The following GPR39 variants were observed in gnomAD, a reference collection of about 807,000 sequenced individuals.
The protein encoded by GPR39 is zinc sensing receptor.
GPR39 carries 23 observed loss-of-function variants against 18.4 expected under a neutral mutation model. The observed-to-expected ratio is 1.25, with a 90% CI of 0.90 to 1.77. The LOEUF (loss-of-function observed/expected upper bound fraction) is 1.77, where lower values mean the gene tolerates loss of function less well. Ranked by LOEUF, GPR39 falls within the 40% of genes most tolerant of loss-of-function variation. The probability of loss-of-function intolerance (pLI) is 0.00; values close to 1 mark genes in which losing one functional copy is unlikely to be tolerated. For missense variants in GPR39, 647 were observed against 602.4 expected (o/e 1.07, Z -0.78); for synonymous variants, 280 against 257.9 (o/e 1.09, Z -0.82).
chr2:132,603,782 A>G lies in GPR39; in HGVS notation c.857-41319A>G, dbSNP rs1275590128. 3.2e-4 allele frequency among the ~76,000 whole-genome samples: 49 copies of G among 152,188 alleles called. 1 individual carries two copies. Among genetic ancestry groups the G allele is most frequent in the Admixed American group, 3.2e-3 (49 of 15,280 alleles). ...TTCACCAAAAGCTGAAAATGTCAAC[A>G]TTCTTTTTAAGAAACCATTTTCATG... On this transcript the variant is annotated intron_variant, in intron 1 of 1. Transcript: ENST00000329321.
At chr2:132,589,418 C>G (rs941794742) in intron 1 of GPR39, among the ~76,000 whole-genome samples, 8 of 152,208 alleles carry the variant, frequency 5.3e-5, no homozygotes, top group Admixed American at 2.0e-4. Flanking sequence ...TGCATAACTT[C>G]TAGGCAGAGA....
intron 1 of GPR39, among the ~76,000 whole-genome samples, chr2:132,622,063 G>A (rs79664918): frequency 0.014 from 2,187 of 152,258 alleles, 54 homozygotes; most frequent in African/African-American, 0.05. Context: ...CCTGGGCTGG[G>A]GAGAGACCTT....
chr2:132,638,009 T>A (rs1558867139), intron 1 of GPR39, among the ~76,000 whole-genome samples: 1 of 149,800 alleles, frequency 6.7e-6, no homozygotes, highest in African/African-American at 2.5e-5. Context: ...GAGGGAAAAA[T>A]AGAAGAGAAA....
intron 1 of GPR39, among the ~76,000 whole-genome samples, chr2:132,535,177 T>A (rs1679730637): frequency 6.6e-6 from 1 of 152,078 alleles, no homozygotes; most frequent in Non-Finnish European, 1.5e-5. Context: ...CTTTTGCCCA[T>A]ATAGTATGAT....
chr2:132,555,657 C>T (rs890662365), intron 1 of GPR39, among the ~76,000 whole-genome samples: 1 of 152,122 alleles, frequency 6.6e-6, no homozygotes, highest in Non-Finnish European at 1.5e-5. Flanking sequence ...TCTGAGTCCT[C>T]TATTGGTCAT....
intron 1 of GPR39, among the ~76,000 whole-genome samples, chr2:132,504,893 G>C (rs1046929796): frequency 6.6e-6 from 1 of 152,068 alleles, no homozygotes; most frequent in African/African-American, 2.4e-5. Flanking sequence ...TTGTGTACAC[G>C]ACCTATTCTA....
chr2:132,634,758 G>A (rs991988791), intron 1 of GPR39, among the ~76,000 whole-genome samples: 2 of 152,144 alleles, frequency 1.3e-5, no homozygotes, highest in African/African-American at 2.4e-5. Flanking sequence ...GAGGGGAAGG[G>A]CCCCCCTCAG....
intron 1 of GPR39, among the ~76,000 whole-genome samples, chr2:132,527,978 G>A (rs970305439): frequency 6.6e-6 from 1 of 152,066 alleles, no homozygotes; most frequent in Non-Finnish European, 1.5e-5. Context: ...CATTGCTTTT[G>A]GTGTTTTAGT....
chr2:132,583,522 C>G (rs978420986), intron 1 of GPR39, among the ~76,000 whole-genome samples: 1 of 151,870 alleles, frequency 6.6e-6, no homozygotes, highest in Non-Finnish European at 1.5e-5. Context: ...GTGCTTCTTA[C>G]GGAGAATGAT....
At chr2:132,506,874 T>C (rs1401405512) in intron 1 of GPR39, among the ~76,000 whole-genome samples, 1 of 152,110 alleles carries the variant, frequency 6.6e-6, no homozygotes, top group African/African-American at 2.4e-5. Flanking sequence ...TCTCCTATTT[T>C]TTTTTTTCTA....
At chr2:132,516,608 C>T (rs1679339357) in intron 1 of GPR39, among the ~76,000 whole-genome samples, 1 of 152,226 alleles carries the variant, frequency 6.6e-6, no homozygotes, top group South Asian at 2.1e-4. Context: ...CAGCCGGCCA[C>T]ACTCTGATAA....
chr2:132,549,317 G>A (rs993160445), intron 1 of GPR39, among the ~76,000 whole-genome samples: 5 of 152,322 alleles, frequency 3.3e-5, no homozygotes, highest in African/African-American at 9.6e-5. Context: ...GTAGGCATTC[G>A]AGGGAGGTCT....
At chr2:132,511,009 A>G (rs1679231621) in intron 1 of GPR39, among the ~76,000 whole-genome samples, 1 of 152,238 alleles carries the variant, frequency 6.6e-6, no homozygotes, top group Non-Finnish European at 1.5e-5. Context: ...TTATTTGCAG[A>G]CATACCAAAA....
intron 1 of GPR39, among the ~76,000 whole-genome samples, chr2:132,483,595 C>T (rs1348242067): frequency 6.6e-6 from 1 of 152,226 alleles, no homozygotes; most frequent in Non-Finnish European, 1.5e-5. Flanking sequence ...AGCCTGGTAA[C>T]AGGCTGGTCT....
At chr2:132,515,738 C>A (rs890035061) in intron 1 of GPR39, among the ~76,000 whole-genome samples, 3 of 152,180 alleles carry the variant, frequency 2.0e-5, no homozygotes, top group Non-Finnish European at 4.4e-5. Flanking sequence ...TCCCTGAAGA[C>A]TCTCATACAA....
chr2:132,495,516 G>T (rs1681624341), intron 1 of GPR39, among the ~76,000 whole-genome samples: 1 of 152,134 alleles, frequency 6.6e-6, no homozygotes, highest in South Asian at 2.1e-4. Flanking sequence ...TTTCAGACAA[G>T]TGCATTCATT....
chr2:132,627,287 G>A (rs186924410), intron 1 of GPR39, among the ~76,000 whole-genome samples: 171 of 152,170 alleles, frequency 1.1e-3, no homozygotes, highest in African/African-American at 3.6e-3. Context: ...CCAGAACATC[G>A]GGTACTCTTA....
intron 1 of GPR39, among the ~76,000 whole-genome samples, chr2:132,435,510 A>C (rs182561183): frequency 2.4e-3 from 371 of 152,330 alleles, no homozygotes; most frequent in Admixed American, 8.4e-3. Context: ...GCTTCCAGTC[A>C]ACAGTAGGTA....
At chr2:132,422,270 A>C (rs1558794095) in intron 1 of GPR39, among the ~76,000 whole-genome samples, 1 of 152,230 alleles carries the variant, frequency 6.6e-6, no homozygotes. Flanking sequence ...TAATTCGAGC[A>C]AATCTTTGCT....
Sources: allele counts gnomAD v4.1 joint callset (sites outside exome capture counted in the v4.1 genomes callset), GRCh38; gene constraint gnomAD v4.1.1; transcripts MANE v1.5; gene names NCBI Gene and HGNC (gene_info 2026-07-23, HGNC 2026-07-21).